JAKMIP3: variants seen among roughly 807,000 people sequenced by gnomAD.
JAKMIP3 encodes Janus kinase and microtubule interacting protein 3, also known as janus kinase and microtubule-interacting protein 3.
Under a neutral mutation model 118.5 loss-of-function variants are expected in JAKMIP3, and 58 were observed. That is an observed-to-expected ratio of 0.49 (90% CI 0.40 to 0.61). The LOEUF (loss-of-function observed/expected upper bound fraction) is 0.61. Among genes scored for constraint, JAKMIP3 ranks in the 20% least tolerant of loss-of-function variants. The probability of loss-of-function intolerance (pLI) is 0.00; values close to 1 mark genes in which losing one functional copy is unlikely to be tolerated. For missense variants in JAKMIP3, 950 were observed against 1,109.0 expected (o/e 0.86, Z 2.04); for synonymous variants, 486 against 451.2 (o/e 1.08, Z -0.98).
rs527859035 is a variant in JAKMIP3, at chr10:132,183,231, G to A, written c.*1978G>A. On this transcript the variant is annotated 3_prime_UTR_variant, in exon 24 of 24. Coordinates refer to ENST00000684848, the MANE Select transcript of JAKMIP3 (RefSeq NM_001323087.2). ...AAGTCCGATGGACTCTACGATGCAGGCATCCAGAAATATGTTGTAACTCTA... is the reference window on the plus strand; with the variant it reads ...AAGTCCGATGGACTCTACGATGCAGACATCCAGAAATATGTTGTAACTCTA... 84 of 152,372 alleles carry A rather than the reference G, an allele frequency of 5.5e-4. No individual in the cohort carries two copies. The highest frequency in any genetic ancestry group is 1.9e-3 in the African/African-American group (81 of 41,586). 9.4% of individuals were successfully genotyped at this position (152,372 alleles called of 1,614,324 possible).
At chr10:132,123,317 A>G (rs2048873723) in intron 3 of JAKMIP3, among the ~76,000 whole-genome samples, 1 of 152,212 alleles carries the variant, frequency 6.6e-6, no homozygotes, top group Non-Finnish European at 1.5e-5. Flanking sequence ...ATGCACGCTC[A>G]GCGCGTTTGC....
At chr10:132,163,896 A>G (rs2058635406) in intron 20 of JAKMIP3, among the ~76,000 whole-genome samples, 1 of 152,196 alleles carries the variant, frequency 6.6e-6, no homozygotes, top group African/African-American at 2.4e-5. Context: ...CCTTTGCCTC[A>G]GGGCACTGTG....
chr10:132,104,767 G>C lies in JAKMIP3; in HGVS notation c.-42G>C. ...CCACCCCCAGCCCAGCCCAGCCGGAGCACCCTACCCCTGGGCATCCCCCTG... is the reference window on the plus strand; with the variant it reads ...CCACCCCCAGCCCAGCCCAGCCGGACCACCCTACCCCTGGGCATCCCCCTG... On this transcript the variant is annotated 5_prime_UTR_variant, in exon 2 of 24. Coordinates refer to ENST00000684848, the MANE Select transcript of JAKMIP3 (RefSeq NM_001323087.2). 6.5e-7 allele frequency: 1 copy of C among 1,539,182 alleles called. No individual in the cohort carries two copies. Among genetic ancestry groups the C allele is most frequent in the Non-Finnish European group, 8.8e-7 (1 of 1,139,090 alleles).
chr10:132,110,020 C>T (rs1165753024), intron 2 of JAKMIP3, among the ~76,000 whole-genome samples: 1 of 152,214 alleles, frequency 6.6e-6, no homozygotes, highest in Non-Finnish European at 1.5e-5. Flanking sequence ...AGGCCTGCAG[C>T]TGTGGAACTG....
At chr10:132,180,529 G>A (rs1031419829) in intron 23 of JAKMIP3, among the ~76,000 whole-genome samples, 1 of 36,028 alleles carries the variant, frequency 2.8e-5, no homozygotes, top group Non-Finnish European at 4.9e-5. Flanking sequence ...AGAACTGTGT[G>A]TGTGTGTGTG....
At chr10:132,061,234 CCGTGACG>C (rs2038386244), upstream of JAKMIP3, among the ~76,000 whole-genome samples, 2 of 32,176 alleles carry the variant, frequency 6.2e-5, no homozygotes, top group Non-Finnish European at 1.1e-4. Flanking sequence ...CATACACCTG[CCGTGACG>C]GCGCACACAC....
At chr10:132,161,331 T>C (rs1407882381) in intron 19 of JAKMIP3, among the ~76,000 whole-genome samples, 1 of 4,066 alleles carries the variant, frequency 2.5e-4, no homozygotes, top group Non-Finnish European at 4.5e-4. Flanking sequence ...CTGTGTGATG[T>C]TGGGGGGGCG....
intron 11 of JAKMIP3, 80 bp from the exon 12 acceptor site, chr10:132,145,027 T>C (rs1415037282): frequency 2.5e-5 from 30 of 1,183,424 alleles, no homozygotes; most frequent in Non-Finnish European, 3.7e-5. Context: ...AGACAGACCC[T>C]TCTGACGTCC....
Position 132,044,958 on chromosome 10 carries a change from C to T in JAKMIP3, c.-138+8220C>T, listed in dbSNP as rs1039328754. Among the ~76,000 whole-genome samples the T allele has an allele frequency of 3.9e-5, 6 of 152,092 alleles. No homozygotes were observed. Among genetic ancestry groups the T allele is most frequent in the African/African-American group, 7.2e-5 (3 of 41,422 alleles). ...TCCTTGAAGGCTGAATCCTACTCCA[C>T]GGAAGGGATGTGCGTTTTGCTGACT... On this transcript the variant is annotated intron_variant, in intron 1 of 23. Coordinates refer to the JAKMIP3 transcript ENST00000657785. The surrounding 1 kb of genome is among the most constrained non-coding windows in gnomAD (Gnocchi z 5.3).
chr10:132,181,451 G>A (rs1199396853), intron 23 of JAKMIP3: 1 of 152,158 alleles, frequency 6.6e-6, no homozygotes, highest in Admixed American at 6.5e-5. Context: ...TGTTTTACAT[G>A]GGGCTTCACC....
At chr10:132,174,407 C>T (rs545312355) in intron 23 of JAKMIP3, among the ~76,000 whole-genome samples, 7 of 151,842 alleles carry the variant, frequency 4.6e-5, no homozygotes, top group Non-Finnish European at 1.0e-4. Flanking sequence ...CAATGGCCTC[C>T]GTGGCCTCCG....
chr10:132,180,617 G>A (rs1463359915), intron 23 of JAKMIP3, among the ~76,000 whole-genome samples: 1 of 36,450 alleles, frequency 2.7e-5, no homozygotes, highest in East Asian at 3.5e-3. Context: ...GTGTGTGTGC[G>A]TGTGTGTGCG....
intron 9 of JAKMIP3, among the ~76,000 whole-genome samples, chr10:132,139,448 GTA>G (rs1256464108): frequency 1.6e-3 from 216 of 137,518 alleles, no homozygotes; most frequent in East Asian, 0.011. Context: ...ACATGTGAGT[GTA>G]TATGTGTCTG....
chr10:132,088,651 G>A (rs1236429772), intron 1 of JAKMIP3, among the ~76,000 whole-genome samples: 2 of 152,172 alleles, frequency 1.3e-5, no homozygotes, highest in Admixed American at 1.3e-4. Flanking sequence ...CTCCCATTCT[G>A]TGGGTTGCCA....
At chr10:132,114,535 T>TA (rs2047339153) in intron 2 of JAKMIP3, among the ~76,000 whole-genome samples, 3 of 152,360 alleles carry the variant, frequency 2.0e-5, no homozygotes, top group East Asian at 3.9e-4. Flanking sequence ...AGTTGGCTGT[T>TA]AGTCATGGTA....
rs1311285674 is a variant in JAKMIP3 at position 132,112,287 on chromosome 10, G to A, written c.136-4790G>A. Among the ~76,000 whole-genome samples, 3 of 152,100 alleles carry A rather than the reference G, an allele frequency of 2.0e-5. No individual in the cohort carries two copies. The highest frequency in any genetic ancestry group is 2.9e-5 in the Non-Finnish European group (2 of 68,008). On this transcript the variant is annotated intron_variant, in intron 2 of 23. Transcript: ENST00000684848. The surrounding 1 kb of genome is among the most constrained non-coding windows in gnomAD (Gnocchi z 4.3). ...GCACACGGGCCTCAGGTGTGGGAGC[G>A]GGGTCTCCGGGTGGTGGGAGATGCT...
rs2052904962 is a variant in JAKMIP3 at position 132,139,423 on chromosome 10, TG to T, written c.1345-1027del. 5.1e-5 allele frequency among the ~76,000 whole-genome samples: 5 copies of T among 97,580 alleles called. No individual in the cohort carries two copies. In the Admixed American group the frequency reaches 5.1e-4, roughly 10 times the overall value. The allele number at this position is 97,580 out of a possible 152,430, so 64.0% of individuals were successfully genotyped here. A position where few individuals can be genotyped will look rare whatever the true frequency, so the allele number is the denominator to read the frequency against. On this transcript the variant is annotated intron_variant, in intron 9 of 23. Transcript: ENST00000684848. ...GTGAGTGTGTATGTGTGAGTGTGTG[TG>T]TGTGTTTGTGTGTACATGTGAGTGT...
At chr10:132,172,309 CTG>C (rs1168408982) in intron 23 of JAKMIP3, among the ~76,000 whole-genome samples, 2 of 152,234 alleles carry the variant, frequency 1.3e-5, no homozygotes, top group African/African-American at 4.8e-5. Flanking sequence ...TGTTTCATCA[CTG>C]AGGCCGTAAC....
rs574540855 is a variant in JAKMIP3 at position 132,131,876 on chromosome 10, G to C, written c.634-1436G>C. 3.3e-5 allele frequency among the ~76,000 whole-genome samples: 5 copies of C among 152,278 alleles called. No homozygotes were observed. In the South Asian group the frequency reaches 1.0e-3, roughly 32 times the overall value. On this transcript the variant is annotated intron_variant, in intron 3 of 23. Transcript: ENST00000684848. ...ACAGCCCCATGGGAAGAAGTGCAGGGTGGGGTGCGGCGCCTGCACAGGCAT... is the reference window on the plus strand; with the variant it reads ...ACAGCCCCATGGGAAGAAGTGCAGGCTGGGGTGCGGCGCCTGCACAGGCAT...
Sources: gnomAD v4.1 joint callset for allele counts (sites outside exome capture counted in the v4.1 genomes callset) on GRCh38, gnomAD v4.1.1 for gene constraint, Gnocchi (gnomAD v3.1) non-coding constraint, MANE v1.5 for transcripts, NCBI Gene and HGNC (gene_info 2026-07-23, HGNC 2026-07-21) for gene names.